Variants in SBF2 observed in about 807,000 individuals in gnomAD.
The protein encoded by SBF2 is myotubularin-related protein 13.
In SBF2, 112 loss-of-function variants were observed where a neutral mutation model predicts 225.2. The ratio of observed to expected loss-of-function variants is 0.50; its 90% confidence interval spans 0.43 to 0.58. SBF2 has a LOEUF of 0.58. SBF2 is among the 20% of genes least tolerant of loss of function. The pLI is 0.00. For synonymous variants in SBF2, 763 were observed against 773.3 expected (o/e 0.99, Z 0.22); for missense variants, 1,996 against 2,206.2 (o/e 0.90, Z 1.91).
At chr11:10,277,863 G>A (rs1963087604) in intron 1 of SBF2, among the ~76,000 whole-genome samples, 1 of 152,148 alleles carries the variant, frequency 6.6e-6, no homozygotes, top group Non-Finnish European at 1.5e-5. Context: ...GAGAGACTGA[G>A]GCCCTCCTGT....
Position 9,979,480 on chromosome 11 carries a change from T to C in SBF2, c.1395+10017A>G, listed in dbSNP as rs369159390. The stretch of plus-strand genomic sequence containing the variant: ...CCACTATAAGTGGCAAAGACCAGCA[T>C]ACAACACAAGTTTTCCTTCTAACAG... On this transcript the variant is annotated intron_variant, in intron 13 of 39. Coordinates refer to ENST00000256190, the MANE Select transcript of SBF2 (RefSeq NM_030962.4). 1.1e-4 allele frequency among the ~76,000 whole-genome samples: 17 copies of C among 152,348 alleles called. No individual in the cohort carries two copies. The East Asian group carries it at 1.9e-3, about 17-fold the overall frequency.
chr11:10,209,511 T>C (rs929296072), intron 1 of SBF2, among the ~76,000 whole-genome samples: 4 of 152,116 alleles, frequency 2.6e-5, no homozygotes, highest in Non-Finnish European at 4.4e-5. Flanking sequence ...TATACTTTAC[T>C]ACCAGCTGTT....
At chr11:10,071,644 G>A (rs1204807217) in intron 2 of SBF2, among the ~76,000 whole-genome samples, 1 of 152,176 alleles carries the variant, frequency 6.6e-6, no homozygotes, top group Non-Finnish European at 1.5e-5. Flanking sequence ...GTCATAAACA[G>A]CTCTTATTAT....
chr11:10,099,466 C>A (rs2033974563), intron 2 of SBF2, among the ~76,000 whole-genome samples: 1 of 152,102 alleles, frequency 6.6e-6, no homozygotes, highest in African/African-American at 2.4e-5. Flanking sequence ...AAAGGGGGTT[C>A]TTTAACCTGA....
intron 33 of SBF2, among the ~76,000 whole-genome samples, chr11:9,791,439 A>AC (rs1852734934): frequency 7.1e-6 from 1 of 140,158 alleles, no homozygotes; most frequent in Non-Finnish European, 1.6e-5. Flanking sequence ...AAAAAAAAAA[A>AC]AGACTCAAGC....
chr11:9,914,906 G>GT (rs1441231963), intron 16 of SBF2, among the ~76,000 whole-genome samples: 1 of 119,202 alleles, frequency 8.4e-6, no homozygotes, highest in Non-Finnish European at 1.6e-5. Flanking sequence ...GGTGTTTATA[G>GT]TGGGGGGGGC....
chr11:9,790,793 A>G (rs1453583285), intron 33 of SBF2, 110 bp from the exon 34 acceptor site: 1 of 823,312 alleles, frequency 1.2e-6, no homozygotes, highest in Non-Finnish European at 2.0e-6. Flanking sequence ...TATGGCTTTA[A>G]AAACAGCAAC....
intron 2 of SBF2, among the ~76,000 whole-genome samples, chr11:10,168,753 C>T (rs1956073037): frequency 6.6e-6 from 1 of 152,130 alleles, no homozygotes; most frequent in Admixed American, 6.5e-5. Context: ...GCTTCTTTGG[C>T]TTGTCAGAAA....
intron 3 of SBF2, among the ~76,000 whole-genome samples, chr11:10,041,615 T>A (rs1044669777): frequency 3.3e-5 from 5 of 152,218 alleles, no homozygotes; most frequent in Admixed American, 2.6e-4. Flanking sequence ...TTTTAACACA[T>A]CAGTCTAATG....
chr11:10,058,543 C>G lies in SBF2; in HGVS notation c.142-15562G>C, dbSNP rs192594073. 1.8e-3 allele frequency among the ~76,000 whole-genome samples: 269 copies of G among 152,260 alleles called. 3 individuals carry two copies. The highest frequency in any genetic ancestry group is 3.0e-3 in the Admixed American group (46 of 15,298). ...TAAACAGAAATCTATGAATCACTGG[C>G]ATCTCTGAAATGGAGGGGGAGAAAG... On this transcript the variant is annotated intron_variant, in intron 2 of 39. Transcript: ENST00000256190.
rs370923049 is a variant in SBF2 at position 10,232,013 on chromosome 11, G to A, written c.56-38026C>T. ...TACTCAAGCCTTGGCAATGGCGGACGCCCCTCCCCCAGCCTCACTGCCGCC... is the reference window on the plus strand; with the variant it reads ...TACTCAAGCCTTGGCAATGGCGGACACCCCTCCCCCAGCCTCACTGCCGCC... On this transcript the variant is annotated intron_variant, in intron 1 of 39. Coordinates refer to ENST00000256190, the MANE Select transcript of SBF2 (RefSeq NM_030962.4). 6.6e-5 allele frequency among the ~76,000 whole-genome samples: 10 copies of A among 152,290 alleles called. No individual in the cohort carries two copies. In the East Asian group the frequency reaches 1.2e-3, roughly 18 times the overall value.
At chr11:9,948,748 T>C (rs1032831493) in intron 16 of SBF2, among the ~76,000 whole-genome samples, 1 of 152,222 alleles carries the variant, frequency 6.6e-6, no homozygotes, top group Non-Finnish European at 1.5e-5. Flanking sequence ...TTTCCAACTG[T>C]TATTTTAGTA....
chr11:10,129,166 C>T (rs1295447410), intron 2 of SBF2, among the ~76,000 whole-genome samples: 2 of 141,450 alleles, frequency 1.4e-5, no homozygotes, highest in African/African-American at 2.6e-5. Flanking sequence ...TGCAGTGGCA[C>T]GATCTTGGCT....
chr11:10,288,051 A>C (rs1218159375), intron 1 of SBF2, among the ~76,000 whole-genome samples: 1 of 152,200 alleles, frequency 6.6e-6, no homozygotes, highest in African/African-American at 2.4e-5. Flanking sequence ...CGGGGAATGT[A>C]GTGGCACTCA....
chr11:9,832,515 T>C, intron 26 of SBF2, 95 bp from the exon 27 acceptor site: 1 of 848,866 alleles, frequency 1.2e-6, no homozygotes. Flanking sequence ...AGACAGAGAA[T>C]ATAAGAAATT....
At chr11:9,952,568 C>G (rs547253468) in intron 16 of SBF2, among the ~76,000 whole-genome samples, 39 of 152,292 alleles carry the variant, frequency 2.6e-4, no homozygotes, top group African/African-American at 8.2e-4. Flanking sequence ...TATCAGCTTT[C>G]TAGCTTCTAA....
rs751750978 is a variant in SBF2, at chr11:9,832,340, C to T, written c.3536G>A (p.Arg1179His). 9 of 1,613,962 alleles carry T rather than the reference C, an allele frequency of 5.6e-6. No homozygotes were observed. The highest frequency in any genetic ancestry group is 2.2e-5 in the East Asian group (1 of 44,860). The stretch of plus-strand genomic sequence containing the variant: ...GTTCTTCCAACATACAACAGGCAGG[C>T]GATTGTGTCGATAGCAGCGAGCTAC... ...PRVARCYRHNRLPVVCWKNSR... is the reference protein window; with the variant it reads ...PRVARCYRHNHLPVVCWKNSR... The change falls in exon 27 of 40, where the codon CGC becomes CAC. Residue 1179 changes from arginine to histidine, a missense_variant. Physicochemically the swap from Arg to His is conservative, Grantham distance 29. Transcript: ENST00000256190.
At chr11:10,104,465 C>T (rs1244071844) in intron 2 of SBF2, among the ~76,000 whole-genome samples, 1 of 152,176 alleles carries the variant, frequency 6.6e-6, no homozygotes, top group Non-Finnish European at 1.5e-5. Context: ...CACAGATCCC[C>T]AATATTTGGA....
At chr11:10,047,794 A>G (rs553198766) in intron 2 of SBF2, among the ~76,000 whole-genome samples, 6 of 152,314 alleles carry the variant, frequency 3.9e-5, no homozygotes, top group African/African-American at 1.4e-4. Flanking sequence ...TTAGCAAATC[A>G]GTAAAAACAT....
Sources: allele counts gnomAD v4.1 joint callset (sites outside exome capture counted in the v4.1 genomes callset), GRCh38; gene constraint gnomAD v4.1.1; transcripts MANE v1.5; gene names NCBI Gene and HGNC (gene_info 2026-07-23, HGNC 2026-07-21).